Variants in POLA2 observed in about 807,000 individuals in gnomAD.
POLA2 encodes the protein DNA polymerase alpha 2, accessory subunit.
In POLA2, 47 loss-of-function variants were observed where a neutral mutation model predicts 82.8. That is an observed-to-expected ratio of 0.57 (90% confidence interval 0.45 to 0.72). POLA2 has a LOEUF of 0.72. POLA2 is among the 30% of genes least tolerant of loss of function. The probability of loss-of-function intolerance (pLI) is 0.00; values close to 1 mark genes in which losing one functional copy is unlikely to be tolerated. For missense variants in POLA2, 634 were observed against 728.1 expected (o/e 0.87, Z 1.49); for synonymous variants, 287 against 286.8 (o/e 1.00, Z -0.01).
chr11:65,286,538 C>T (rs1312576362), intron 10 of POLA2, among the ~76,000 whole-genome samples: 2 of 152,030 alleles, frequency 1.3e-5, no homozygotes, highest in Non-Finnish European at 2.9e-5. Flanking sequence ...AGGAGGTACG[C>T]ACCACTCTGC....
chr11:65,281,155 T>G lies in POLA2; in HGVS notation c.900+8T>G, dbSNP rs1949636966. On this transcript the variant is annotated splice_region_variant and intron_variant, in intron 8 of 17. Transcript: ENST00000265465. ...TCTCTGTTTCCTGGACAGGTGAGAT[T>G]GGAGGAGTTCCACCAGAATGCAGGC... 1.2e-6 allele frequency: 2 copies of G among 1,613,560 alleles called. No individual in the cohort carries two copies. Among genetic ancestry groups the G allele is most frequent in the Admixed American group, 3.3e-5 (2 of 59,986 alleles).
intron 1 of POLA2, among the ~76,000 whole-genome samples, chr11:65,266,160 C>T (rs1240439604): frequency 6.6e-6 from 1 of 152,204 alleles, no homozygotes; most frequent in Admixed American, 6.6e-5. Context: ...CGCCACTCTT[C>T]CTGTTGCACA....
chr11:65,294,089 C>T, intron 13 of POLA2, 64 bp from the exon 14 acceptor site: 1 of 1,399,308 alleles, frequency 7.1e-7, no homozygotes, highest in Non-Finnish European at 1.0e-6. Flanking sequence ...ACCTGTTGCG[C>T]AGCTGTTCTA....
chr11:65,304,301 A>C (rs1590915812), intron 8 of POLA2, among the ~76,000 whole-genome samples: 2 of 146,358 alleles, frequency 1.4e-5, no homozygotes, highest in African/African-American at 2.5e-5. Context: ...CCTTCCATCC[A>C]CCCACCCACC....
chr11:65,285,794 TA>T (rs1216429015), intron 10 of POLA2, among the ~76,000 whole-genome samples: 18 of 152,008 alleles, frequency 1.2e-4, no homozygotes, highest in African/African-American at 4.4e-4. Context: ...AGATACAGAA[TA>T]AGACATGGCC....
intron 15 of POLA2, among the ~76,000 whole-genome samples, 182 bp from the exon 16 acceptor site, chr11:65,295,358 C>T (rs1408775360): frequency 6.6e-6 from 1 of 152,194 alleles, no homozygotes; most frequent in Non-Finnish European, 1.5e-5. Flanking sequence ...CGTCCCTCCT[C>T]ATGTGGGGAC....
At chr11:65,277,694 T>C (rs1210972865) in intron 5 of POLA2, among the ~76,000 whole-genome samples, 3 of 152,200 alleles carry the variant, frequency 2.0e-5, no homozygotes, top group Non-Finnish European at 1.5e-5. Flanking sequence ...TTTACAACTG[T>C]CCTCATGTGA....
chr11:65,295,393 C>G (rs1267763757), intron 15 of POLA2, 147 bp from the exon 16 acceptor site: 4 of 696,714 alleles, frequency 5.7e-6, no homozygotes, highest in Non-Finnish European at 1.0e-5. Flanking sequence ...GTGGGTGGGT[C>G]TTTAAACTTC....
chr11:65,290,667 G>A (rs1451231174), intron 13 of POLA2, among the ~76,000 whole-genome samples: 3 of 152,128 alleles, frequency 2.0e-5, no homozygotes, highest in Non-Finnish European at 4.4e-5. Flanking sequence ...ACTTGACAAG[G>A]CTGCATCGGC....
At chr11:65,267,655 A>C in intron 3 of POLA2, 87 bp downstream of exon 3, 1 of 887,608 alleles carries the variant, frequency 1.1e-6, no homozygotes, top group Non-Finnish European at 1.7e-6. Flanking sequence ...TTTAAAAACA[A>C]ATAATAAGGC....
rs770516434 is a variant in POLA2 at position 65,262,344 on chromosome 11, G to C, written c.52G>C (p.Asp18His). ...LAEELQIFGLDCEEALIEKLV... is the reference protein window; with the variant it reads ...LAEELQIFGLHCEEALIEKLV... ...GGAGGAGCTGCAGATCTTCGGCCTA[G>C]ACTGCGAGGAGGCTCTAATTGAGAA... Residue 18 changes from aspartate to histidine, a missense_variant, in exon 1 of 18, where the codon GAC becomes CAC. Transcript: ENST00000265465. 6.2e-7 allele frequency: 1 copy of C among 1,613,780 alleles called. No individual in the cohort carries two copies. The highest frequency in any genetic ancestry group is 8.5e-7 in the Non-Finnish European group (1 of 1,179,864).
intron 11 of POLA2, among the ~76,000 whole-genome samples, chr11:65,288,512 G>GTTTTTTTTTTTT (rs572913995): frequency 7.5e-5 from 9 of 119,946 alleles, no homozygotes; most frequent in Admixed American, 9.3e-5. Flanking sequence ...TTTGTTTTTT[G>GTTTTTTTTTTTT]TTTTTTTTTT....
intron 2 of POLA2, 152 bp downstream of exon 2, chr11:65,266,858 TCA>T (rs1949466536): frequency 2.9e-6 from 2 of 693,288 alleles, no homozygotes; most frequent in East Asian, 2.7e-5. Flanking sequence ...TCCCTGAGCC[TCA>T]GTTTCCTTTT....
At chr11:65,271,791 A>G (rs1034438584) in intron 4 of POLA2, among the ~76,000 whole-genome samples, 1 of 149,680 alleles carries the variant, frequency 6.7e-6, no homozygotes, top group African/African-American at 2.5e-5. Context: ...GTGAGCCAAG[A>G]TTACACCACT....
intron 11 of POLA2, among the ~76,000 whole-genome samples, chr11:65,288,232 TG>T (rs1174276928): frequency 6.6e-6 from 1 of 152,066 alleles, no homozygotes; most frequent in Non-Finnish European, 1.5e-5. Context: ...TGCTTGAACC[TG>T]GGAAGCAGAG....
chr11:65,280,793 G>A, intron 7 of POLA2, 199 bp from the exon 8 acceptor site: 1 of 566,032 alleles, frequency 1.8e-6, no homozygotes, highest in Non-Finnish European at 3.1e-6. Flanking sequence ...GGGTGGATGG[G>A]TGGACAAGAT....
downstream of POLA2, among the ~76,000 whole-genome samples, chr11:65,301,587 T>C (rs12281266): frequency 5.8e-3 from 877 of 152,122 alleles, 9 homozygotes; most frequent in African/African-American, 0.015. Flanking sequence ...GCCACAGAAC[T>C]GGGTGCTGGG....
downstream of POLA2, among the ~76,000 whole-genome samples, chr11:65,299,754 C>T (rs1054980424): frequency 1.3e-5 from 2 of 152,178 alleles, no homozygotes; most frequent in Non-Finnish European, 2.9e-5. Flanking sequence ...TGCAGTGGCG[C>T]GATCTCGGCT....
At chr11:65,299,766 A>G (rs1344077839), downstream of POLA2, among the ~76,000 whole-genome samples, 1 of 152,098 alleles carries the variant, frequency 6.6e-6, no homozygotes, top group Non-Finnish European at 1.5e-5. Flanking sequence ...ATCTCGGCTC[A>G]CTGCAACCTC....
Sources: allele counts gnomAD v4.1 joint callset (sites outside exome capture counted in the v4.1 genomes callset), GRCh38; gene constraint gnomAD v4.1.1; transcripts MANE v1.5; gene names NCBI Gene and HGNC (gene_info 2026-07-23, HGNC 2026-07-21).